PARP16: variants seen among roughly 807,000 people sequenced by gnomAD.
PARP16 encodes the protein protein mono-ADP-ribosyltransferase PARP16.
A neutral mutation model predicts 35.0 loss-of-function variants in PARP16; 31 were observed. That is an observed-to-expected ratio of 0.88 (90% CI 0.66 to 1.19). The LOEUF (loss-of-function observed/expected upper bound fraction) is 1.19. Ranked by LOEUF, PARP16 falls within the 50% of genes most tolerant of loss-of-function variation. The probability of loss-of-function intolerance (pLI) is 0.00; values close to 1 mark genes in which losing one functional copy is unlikely to be tolerated. For synonymous variants in PARP16, 162 were observed against 169.5 expected, an observed-to-expected ratio of 0.96 and a Z score of 0.34; for missense variants, 424 against 411.2, an observed-to-expected ratio of 1.03 and a Z score of -0.27.
rs34254507 is a variant in PARP16, at chr15:65,284,337, CTTTTTT to C, written c.174+1910_174+1915del. 8.9e-5 allele frequency among the ~76,000 whole-genome samples: 6 copies of C among 67,076 alleles called. No individual in the cohort carries two copies. The East Asian group carries it at 2.4e-3, about 27-fold the overall frequency. 44.0% of individuals were successfully genotyped at this position (67,076 alleles called of 152,430 possible). A position where few individuals can be genotyped will look rare whatever the true frequency, so the allele number is the denominator to read the frequency against. ...ACATTGGCCTATAATTTTCTTTCCTCTTTTTTTTTTTTTTTTTTTTTTTTTGAGACA... is the reference window on the plus strand; with the variant it reads ...ACATTGGCCTATAATTTTCTTTCCTCTTTTTTTTTTTTTTTTTTTGAGACA... On this transcript the variant is annotated intron_variant, in intron 1 of 5. Transcript: ENST00000649807.
chr15:65,260,860 C>T (rs762736259), intron 5 of PARP16, 25 bp downstream of exon 5: 67 of 1,609,960 alleles, frequency 4.2e-5, no homozygotes, highest in Admixed American at 4.0e-4. Flanking sequence ...TGAATACAGC[C>T]ATTAGTTGTT....
chr15:65,279,581 A>AT (rs571612126), intron 1 of PARP16, among the ~76,000 whole-genome samples: 116 of 152,244 alleles, frequency 7.6e-4, no homozygotes, highest in African/African-American at 2.7e-3. Context: ...TTTCTCCTCC[A>AT]CTGTTCAGAT....
rs769083566 is a variant in PARP16, at chr15:65,266,741, C to A, written c.340G>T (p.Ala114Ser). 2 of 1,613,830 alleles carry A rather than the reference C, an allele frequency of 1.2e-6. No individual in the cohort carries two copies. Among genetic ancestry groups the A allele is most frequent in the South Asian group, 2.2e-5 (2 of 91,060 alleles). Residue 114 changes from alanine to serine, a missense_variant, in exon 3 of 6, where the codon GCT becomes TCT. By Grantham distance (99) the Ala-to-Ser change is moderately conservative. Transcript: ENST00000649807. The stretch of plus-strand genomic sequence containing the variant: ...GGTGCAGGAACAGGCGTGTGAGGAG[C>A]CCCAGTCAGCTTTTGGATCTTTTCA... ...EFEKIQKLTG[A>S]PHTPVPAPDF...
intron 2 of PARP16, among the ~76,000 whole-genome samples, chr15:65,252,075 GT>G (rs1230166360): frequency 6.6e-6 from 1 of 152,176 alleles, no homozygotes; most frequent in African/African-American, 2.4e-5. Flanking sequence ...ACATGCCTAG[GT>G]TTGAAGCAAT....
At chr15:65,232,835 C>T (rs1279778095), downstream of PARP16, among the ~76,000 whole-genome samples, 11 of 151,970 alleles carry the variant, frequency 7.2e-5, no homozygotes, top group Admixed American at 4.6e-4. Flanking sequence ...GAGGGAGGAT[C>T]GCGTGAGAAC....
At chr15:65,257,929 A>T (rs2089565318), downstream of PARP16, among the ~76,000 whole-genome samples, 1 of 152,122 alleles carries the variant, frequency 6.6e-6, no homozygotes. Context: ...CACGTTTGTT[A>T]AGTCATTAAC....
intron 4 of PARP16, 151 bp from the exon 5 acceptor site, chr15:65,261,177 G>C: frequency 1.8e-6 from 1 of 563,318 alleles, no homozygotes; most frequent in Non-Finnish European, 3.0e-6. Context: ...AAGCAGCACT[G>C]AAAAAAACGG....
chr15:65,272,770 C>A (rs574489937), intron 1 of PARP16, among the ~76,000 whole-genome samples: 18 of 152,354 alleles, frequency 1.2e-4, no homozygotes, highest in African/African-American at 4.1e-4. Context: ...GTTGGAATCT[C>A]TGTTGAGCTT....
chr15:65,249,014 G>A (rs536761607), intron 2 of PARP16, among the ~76,000 whole-genome samples: 2 of 152,060 alleles, frequency 1.3e-5, no homozygotes, highest in South Asian at 2.1e-4. Context: ...AGTGAATAGC[G>A]CTTTTCCAGA....
At chr15:65,274,094 C>T (rs1397433883) in intron 1 of PARP16, among the ~76,000 whole-genome samples, 1 of 151,700 alleles carries the variant, frequency 6.6e-6, no homozygotes, top group East Asian at 1.9e-4. Context: ...AGGCACATGC[C>T]GCCATGCCCA....
chr15:65,247,932 G>C (rs1399169705), intron 3 of PARP16, among the ~76,000 whole-genome samples: 1 of 151,532 alleles, frequency 6.6e-6, no homozygotes, highest in Non-Finnish European at 1.5e-5. Context: ...AGCCTCCTGA[G>C]TAGCTGGGAC....
At chr15:65,266,152 C>G (rs1370660707) in intron 3 of PARP16, among the ~76,000 whole-genome samples, 1 of 152,170 alleles carries the variant, frequency 6.6e-6, no homozygotes, top group Non-Finnish European at 1.5e-5. Context: ...TGGTCTGGAA[C>G]TCCCTCAGCC....
At chr15:65,263,027 T>C (rs2089785691) in intron 4 of PARP16, 122 bp downstream of exon 4, 2 of 867,108 alleles carry the variant, frequency 2.3e-6, no homozygotes, top group Admixed American at 2.3e-5. Flanking sequence ...TGTCCGGCAC[T>C]GCCCTGGATC....
intron 1 of PARP16, chr15:65,282,730 C>A (rs1040556789): frequency 6.6e-6 from 1 of 152,196 alleles, no homozygotes; most frequent in Non-Finnish European, 1.5e-5. Flanking sequence ...GTACAATAAA[C>A]CCCATGGGAG....
At chr15:65,255,468 A>G (rs2089471384), downstream of PARP16, among the ~76,000 whole-genome samples, 1 of 152,106 alleles carries the variant, frequency 6.6e-6, no homozygotes, top group East Asian at 1.9e-4. Context: ...CAGAAAGGCA[A>G]AAGTGCCCAG....
chr15:65,236,025 T>G (rs916275887), intron 3 of PARP16, among the ~76,000 whole-genome samples: 2 of 151,798 alleles, frequency 1.3e-5, no homozygotes, highest in African/African-American at 4.8e-5. Flanking sequence ...GCCCAGCTAT[T>G]TTTTTGTATT....
chr15:65,284,811 C>CTTTTT (rs35683940), intron 1 of PARP16, among the ~76,000 whole-genome samples: 18 of 72,240 alleles, frequency 2.5e-4, no homozygotes, highest in East Asian at 6.9e-4. Context: ...AATCCAACGT[C>CTTTTT]TTTTTTTTTT....
downstream of PARP16, among the ~76,000 whole-genome samples, chr15:65,232,754 A>T (rs2088793163): frequency 3.3e-5 from 5 of 152,048 alleles, no homozygotes; most frequent in African/African-American, 1.2e-4. Context: ...AAGAAAAAAC[A>T]AATAAATAAA....
At chr15:65,242,935 G>A (rs2089118283) in intron 3 of PARP16, among the ~76,000 whole-genome samples, 1 of 152,066 alleles carries the variant, frequency 6.6e-6, no homozygotes, top group East Asian at 1.9e-4. Flanking sequence ...GGCTGGTCTC[G>A]AACTCCTGAC....
Sources: allele counts gnomAD v4.1 joint callset (sites outside exome capture counted in the v4.1 genomes callset), GRCh38; gene constraint gnomAD v4.1.1; transcripts MANE v1.5; gene names NCBI Gene and HGNC (gene_info 2026-07-23, HGNC 2026-07-21).